Variants in CACNA1C observed in about 807,000 individuals in gnomAD.
CACNA1C encodes the protein voltage-dependent L-type calcium channel subunit alpha-1C.
CACNA1C carries 30 observed loss-of-function variants against 229.0 expected under a neutral mutation model. The observed-to-expected ratio is 0.13, with a 90% CI of 0.10 to 0.18. The LOEUF (loss-of-function observed/expected upper bound fraction) is 0.18. Ranked by LOEUF, CACNA1C falls within the 10% of genes least tolerant of loss-of-function variation. The probability of loss-of-function intolerance (pLI) is 1.00; values close to 1 mark genes in which losing one functional copy is unlikely to be tolerated. For synonymous variants in CACNA1C, 1,114 were observed against 1,132.5 expected (o/e 0.98, Z 0.33); for missense variants, 1,658 against 2,845.0 (o/e 0.58, Z 9.49).
At chr12:2,518,703 A>T (rs1389200066) in intron 9 of CACNA1C, among the ~76,000 whole-genome samples, 1 of 152,128 alleles carries the variant, frequency 6.6e-6, no homozygotes, top group African/African-American at 2.4e-5. Flanking sequence ...AGTCACACAA[A>T]CACATGTGAA....
chr12:2,675,270 A>G (rs777741844), intron 39 of CACNA1C, among the ~76,000 whole-genome samples: 30 of 152,220 alleles, frequency 2.0e-4, no homozygotes, highest in Non-Finnish European at 2.9e-4. Flanking sequence ...TGTTTCCAAT[A>G]TGTAAATACT....
chr12:2,511,460 CA>C (rs1202270657), intron 8 of CACNA1C, among the ~76,000 whole-genome samples: 1 of 152,066 alleles, frequency 6.6e-6, no homozygotes, highest in Non-Finnish European at 1.5e-5. Flanking sequence ...GTGGCTTCAG[CA>C]AAAAATTCTC....
chr12:2,570,759 C>T (rs896235240), intron 13 of CACNA1C, among the ~76,000 whole-genome samples: 4 of 151,962 alleles, frequency 2.6e-5, no homozygotes, highest in African/African-American at 9.7e-5. Flanking sequence ...GTGTGGTGGG[C>T]GTGGGAATTA....
chr12:2,064,841 C>T (rs2058757711), intron 1 of CACNA1C, among the ~76,000 whole-genome samples: 1 of 152,132 alleles, frequency 6.6e-6, no homozygotes, highest in African/African-American at 2.4e-5. Context: ...TCTGTCTTAG[C>T]ATGTTGAACT....
chr12:2,158,613 A>G (rs538269900), intron 3 of CACNA1C, among the ~76,000 whole-genome samples: 2 of 152,362 alleles, frequency 1.3e-5, no homozygotes, highest in South Asian at 2.1e-4. Context: ...GTGGGAAGCT[A>G]GAAGGCGAAG....
At chr12:2,353,354 T>C (rs2097262393) in intron 3 of CACNA1C, among the ~76,000 whole-genome samples, 2 of 152,210 alleles carry the variant, frequency 1.3e-5, no homozygotes, top group Admixed American at 1.3e-4. Flanking sequence ...GGGACAACCT[T>C]GTCCCCCTGG....
rs2073229326 is a variant in CACNA1C, at chr12:2,246,391, G to T, written c.477+125961G>T. 1.3e-5 allele frequency among the ~76,000 whole-genome samples: 2 copies of T among 152,178 alleles called. 1 individual carries two copies. Among genetic ancestry groups the T allele is most frequent in the South Asian group, 4.1e-4 (2 of 4,830 alleles). ...TAGGAGGCTGTAGTAAGGCCTTTTA[G>T]ATGGTGGCTCCCGGAGTGAACAGGA... is the stretch of plus-strand genomic sequence containing the variant. On this transcript the variant is annotated intron_variant, in intron 3 of 46. Transcript: ENST00000399655.
chr12:2,283,846 T>C (rs1403126104), intron 3 of CACNA1C, among the ~76,000 whole-genome samples: 2 of 152,218 alleles, frequency 1.3e-5, no homozygotes. Flanking sequence ...AGCAGCTACT[T>C]GTGCTTCATT....
At chr12:2,445,304 A>G (rs1023179563) in intron 3 of CACNA1C, among the ~76,000 whole-genome samples, 3 of 152,304 alleles carry the variant, frequency 2.0e-5, no homozygotes, top group East Asian at 3.9e-4. Flanking sequence ...ATTGTATTGG[A>G]ATCATCTGTC....
At chr12:2,643,993 G>A (rs1375881019) in intron 30 of CACNA1C, among the ~76,000 whole-genome samples, 1 of 152,200 alleles carries the variant, frequency 6.6e-6, no homozygotes, top group African/African-American at 2.4e-5. Context: ...TGGGGAGGGG[G>A]TACTGGCTGG....
rs569287382 is a variant in CACNA1C, at chr12:2,649,024, A to G, written c.3945+517A>G. Among the ~76,000 whole-genome samples the G allele has an allele frequency of 1.6e-4, 25 of 152,264 alleles. No homozygotes were observed. The East Asian group carries it at 4.6e-3, about 28-fold the overall frequency. On this transcript the variant is annotated intron_variant, in intron 31 of 46. Coordinates refer to ENST00000399655, the MANE Select transcript of CACNA1C (RefSeq NM_000719.7). This position sits in a 1 kb window ranked among gnomAD's most constrained non-coding sequence, Gnocchi z 4.4. ...GTGAAAGGCCACCATAAAAGGTTTC[A>G]GCTGGGATTTGTTACTGAGCGCGTG...
chr12:2,584,979 C>T (rs2061871399), intron 16 of CACNA1C, among the ~76,000 whole-genome samples: 2 of 152,162 alleles, frequency 1.3e-5, no homozygotes, highest in African/African-American at 4.8e-5. Flanking sequence ...CTTTATAATT[C>T]ATCTCCAGTG....
At chr12:2,454,208 C>G (rs1052875256) in intron 4 of CACNA1C, among the ~76,000 whole-genome samples, 4 of 152,216 alleles carry the variant, frequency 2.6e-5, no homozygotes, top group African/African-American at 9.6e-5. Flanking sequence ...CTACTTCACT[C>G]CGACACTCAC....
chr12:2,531,681 C>G lies in CACNA1C; in HGVS notation c.1391-18262C>G, dbSNP rs531946763. Among the ~76,000 whole-genome samples the G allele has an allele frequency of 5.3e-5, 8 of 152,330 alleles. No individual in the cohort carries two copies. The East Asian group carries it at 1.5e-3, about 29-fold the overall frequency. On this transcript the variant is annotated intron_variant, in intron 9 of 46. Coordinates refer to ENST00000399655, the MANE Select transcript of CACNA1C (RefSeq NM_000719.7). ...TGCATAAGGACTCTGGACAGCTTCTCTGCCAGCACGCATCCAGCAGCTGAC... is the reference window on the plus strand; with the variant it reads ...TGCATAAGGACTCTGGACAGCTTCTGTGCCAGCACGCATCCAGCAGCTGAC...
intron 3 of CACNA1C, among the ~76,000 whole-genome samples, chr12:2,214,612 A>G (rs1012086589): frequency 1.4e-5 from 2 of 144,402 alleles, no homozygotes; most frequent in Non-Finnish European, 3.0e-5. Flanking sequence ...CACACTGCAC[A>G]TTGCAAGGTG....
chr12:2,526,199 T>C (rs1012047846), intron 9 of CACNA1C, among the ~76,000 whole-genome samples: 3 of 152,182 alleles, frequency 2.0e-5, no homozygotes. Flanking sequence ...TCTAAAACCC[T>C]GGGGCATAAA....
intron 3 of CACNA1C, among the ~76,000 whole-genome samples, chr12:2,183,092 C>T (rs1275798114): frequency 2.6e-5 from 4 of 152,060 alleles, no homozygotes; most frequent in African/African-American, 9.7e-5. Context: ...AGGCTTGTCT[C>T]CGACTCCTGG....
intron 29 of CACNA1C, among the ~76,000 whole-genome samples, chr12:2,634,090 A>G (rs2091804771): frequency 6.6e-6 from 1 of 152,096 alleles, no homozygotes; most frequent in Non-Finnish European, 1.5e-5. Flanking sequence ...CAGGTTATCC[A>G]GGTTTGAGCT....
intron 18 of CACNA1C, among the ~76,000 whole-genome samples, chr12:2,590,429 G>T (rs2064727544): frequency 6.6e-6 from 1 of 152,174 alleles, no homozygotes; most frequent in South Asian, 2.1e-4. Flanking sequence ...GGAGTAGGAG[G>T]CTAGGTGGTT....
Sources: gnomAD v4.1 joint callset for allele counts (sites outside exome capture counted in the v4.1 genomes callset) on GRCh38, gnomAD v4.1.1 for gene constraint, Gnocchi (gnomAD v3.1) non-coding constraint, MANE v1.5 for transcripts, NCBI Gene and HGNC (gene_info 2026-07-23, HGNC 2026-07-21) for gene names.